The following GPC4 variants were observed in gnomAD, a reference collection of about 807,000 sequenced individuals.
The protein encoded by GPC4 is glypican-4.
A neutral mutation model predicts 35.0 loss-of-function variants in GPC4; 10 were observed. The observed-to-expected ratio is 0.29, with a 90% CI of 0.18 to 0.48. GPC4 has a LOEUF of 0.48. Ranked by LOEUF, GPC4 falls within the 20% of genes least tolerant of loss-of-function variation. The probability of loss-of-function intolerance (pLI) is 0.99; values close to 1 mark genes in which losing one functional copy is unlikely to be tolerated. For synonymous variants in GPC4, 167 were observed against 170.2 expected, an observed-to-expected ratio of 0.98 and a Z score of 0.15; for missense variants, 322 against 451.3, an observed-to-expected ratio of 0.71 and a Z score of 2.60.
chrX:133,328,394 T>C (rs1234568050), intron 2 of GPC4, among the ~76,000 whole-genome samples: 1 of 111,560 alleles, frequency 9.0e-6, no homozygotes, highest in Non-Finnish European at 1.9e-5. Flanking sequence ...CAAAGCATAA[T>C]AATTTGCTAT....
At chrX:133,392,256 G>A (rs1001127903) in intron 1 of GPC4, among the ~76,000 whole-genome samples, 6 of 101,167 alleles carry the variant, frequency 5.9e-5, no homozygotes, top group African/African-American at 1.8e-4. Context: ...AAATATTAAC[G>A]TACAATAAAG....
At chrX:133,362,795 G>A (rs974449416) in intron 1 of GPC4, among the ~76,000 whole-genome samples, 6 of 112,016 alleles carry the variant, frequency 5.4e-5, no homozygotes, top group South Asian at 3.8e-4. Context: ...GTGAAAGCTC[G>A]TAAACTACTT....
At chrX:133,321,089 T>C (rs749563915) in intron 3 of GPC4, among the ~76,000 whole-genome samples, 18 of 111,840 alleles carry the variant, frequency 1.6e-4, no homozygotes, top group Non-Finnish European at 3.4e-4. Flanking sequence ...CTATTTCACA[T>C]TGGGTCACAT....
chrX:133,302,718 AAGTC>A lies in GPC4; in HGVS notation c.*145_*148del. ...CCTCCCAAAACTGAATGAGAAAACAAAGTCAGCACTTCTTAAACCAGTGGCCACA... is the reference window on the plus strand; with the variant it reads ...CCTCCCAAAACTGAATGAGAAAACAAAGCACTTCTTAAACCAGTGGCCACA... On this transcript the variant is annotated 3_prime_UTR_variant, in exon 9 of 9. Coordinates refer to ENST00000370828, the MANE Select transcript of GPC4 (RefSeq NM_001448.3). 1.9e-6 allele frequency: 1 copy of A among 519,993 alleles called. No homozygotes were observed. Among genetic ancestry groups the A allele is most frequent in the Non-Finnish European group, 3.1e-6 (1 of 321,480 alleles). The allele number at this position is 519,993 out of a possible 1,213,427, so 42.9% of individuals were successfully genotyped here.
chrX:133,378,775 G>A lies in GPC4; in HGVS notation c.160+36031C>T, dbSNP rs771125602. On this transcript the variant is annotated intron_variant, in intron 1 of 8. Transcript: ENST00000370828. Reference sequence around the variant, plus strand: ...ACAGAGGAAGAGGAGGTTGTCCACTGACAAATCTCTGACACATGTTCTTTC... The same window carrying A: ...ACAGAGGAAGAGGAGGTTGTCCACTAACAAATCTCTGACACATGTTCTTTC... Among the ~76,000 whole-genome samples, 21 of 110,723 alleles carry A rather than the reference G, an allele frequency of 1.9e-4. No homozygotes were observed. The Admixed American group carries it at 1.9e-3, about 10-fold the overall frequency.
intron 1 of GPC4, among the ~76,000 whole-genome samples, chrX:133,347,212 C>G (rs911279492): frequency 1.0e-5 from 1 of 98,330 alleles, no homozygotes; most frequent in African/African-American, 4.0e-5. Context: ...GTGCTATCTT[C>G]CCAACTTCTG....
chrX:133,403,702 CTT>C (rs1226269446), intron 1 of GPC4, among the ~76,000 whole-genome samples: 3 of 99,609 alleles, frequency 3.0e-5, no homozygotes, highest in Admixed American at 1.1e-4. Flanking sequence ...ATAGAGCTGC[CTT>C]TTTTTTTTTT....
intron 3 of GPC4, among the ~76,000 whole-genome samples, chrX:133,316,128 C>T (rs1032751412): frequency 1.2e-4 from 13 of 111,743 alleles, no homozygotes; most frequent in African/African-American, 3.2e-4. Context: ...AGAGTTACTA[C>T]TGATAGATTT....
chrX:133,319,193 C>T (rs1033456793), intron 3 of GPC4, among the ~76,000 whole-genome samples: 2 of 110,307 alleles, frequency 1.8e-5, no homozygotes, highest in African/African-American at 6.6e-5. Flanking sequence ...CCTGTAATCC[C>T]AGCACTTTGG....
chrX:133,378,283 G>A (rs1402237206), intron 1 of GPC4, among the ~76,000 whole-genome samples: 1 of 111,289 alleles, frequency 9.0e-6, no homozygotes, highest in Admixed American at 9.5e-5. Flanking sequence ...AAGAAATCCC[G>A]GGGGCCGGGC....
At chrX:133,341,430 T>G (rs7054808) in intron 1 of GPC4, among the ~76,000 whole-genome samples, 67 of 112,346 alleles carry the variant, frequency 6.0e-4, no homozygotes, top group African/African-American at 2.0e-3. Context: ...AATAAAATTT[T>G]TAAAGATTGC....
intron 1 of GPC4, among the ~76,000 whole-genome samples, chrX:133,344,704 C>T (rs1311640230): frequency 2.7e-5 from 3 of 111,324 alleles, no homozygotes; most frequent in African/African-American, 6.5e-5. Flanking sequence ...TCTGTACCTG[C>T]GGGAAATAAA....
At chrX:133,387,454 G>C (rs934900580) in intron 1 of GPC4, among the ~76,000 whole-genome samples, 16 of 107,357 alleles carry the variant, frequency 1.5e-4, no homozygotes, top group African/African-American at 5.1e-4. Context: ...AAGAGAGAGA[G>C]AGAAAAGAAA....
chrX:133,362,728 G>A (rs2068574552), intron 1 of GPC4, among the ~76,000 whole-genome samples: 1 of 112,084 alleles, frequency 8.9e-6, no homozygotes, highest in Non-Finnish European at 1.9e-5. Context: ...AAACAGCCCT[G>A]TGTGATGGCT....
chrX:133,316,177 T>A (rs1218849249), intron 3 of GPC4, among the ~76,000 whole-genome samples: 1 of 111,899 alleles, frequency 8.9e-6, no homozygotes, highest in Non-Finnish European at 1.9e-5. Flanking sequence ...ATTTACACAG[T>A]ATTTAGTATG....
chrX:133,398,886 G>A (rs1208014661), intron 1 of GPC4, among the ~76,000 whole-genome samples: 2 of 111,614 alleles, frequency 1.8e-5, no homozygotes, highest in African/African-American at 6.5e-5. Flanking sequence ...CATGTGGCAA[G>A]GAAGGCTCCT....
chrX:133,415,050 C>T lies in GPC4; in HGVS notation c.-85G>A, dbSNP rs2068832286. 1 of 967,595 alleles carries T rather than the reference C, an allele frequency of 1.0e-6. No individual in the cohort carries two copies. Among genetic ancestry groups the T allele is most frequent in the East Asian group, 3.2e-5 (1 of 31,040 alleles). The allele number at this position is 967,595 out of a possible 1,213,427, so 79.7% of individuals were successfully genotyped here. A position where few individuals can be genotyped will look rare whatever the true frequency, so the allele number is the denominator to read the frequency against. On this transcript the variant is annotated 5_prime_UTR_variant, in exon 1 of 9. Coordinates refer to ENST00000370828, the MANE Select transcript of GPC4 (RefSeq NM_001448.3). ...GCAGCGGGCCGAGGGCTGGCGGAGT[C>T]GGGGACTAGCGAGTGGAGCTGGAGG...
chrX:133,320,572 C>T (rs1371014913), intron 3 of GPC4, among the ~76,000 whole-genome samples: 3 of 92,506 alleles, frequency 3.2e-5, no homozygotes, highest in East Asian at 3.4e-4. Flanking sequence ...TGCAGTGAGT[C>T]GAGATTGCGC....
At chrX:133,344,435 G>C (rs2068483667) in intron 1 of GPC4, among the ~76,000 whole-genome samples, 1 of 107,809 alleles carries the variant, frequency 9.3e-6, no homozygotes, top group Non-Finnish European at 1.9e-5. Context: ...CTGTTGGTCA[G>C]GCTGGCCTCA....
Sources: allele counts gnomAD v4.1 joint callset (sites outside exome capture counted in the v4.1 genomes callset), GRCh38; gene constraint gnomAD v4.1.1; transcripts MANE v1.5; gene names NCBI Gene and HGNC (gene_info 2026-07-23, HGNC 2026-07-21).